Variants in DPP10 observed in about 807,000 individuals in gnomAD.
DPP10 encodes the protein inactive dipeptidyl peptidase 10.
A neutral mutation model predicts 120.9 loss-of-function variants in DPP10; 33 were observed. That is an observed-to-expected ratio of 0.27 (90% confidence interval 0.21 to 0.37). DPP10 has a LOEUF of 0.37. DPP10 is among the 10% of genes least tolerant of loss of function. The pLI, the probability that DPP10 is intolerant of heterozygous loss-of-function variation, is 1.00. For missense variants in DPP10, 816 were observed against 942.8 expected (o/e 0.87, Z 1.76); for synonymous variants, 337 against 326.1 (o/e 1.03, Z -0.36).
intron 1 of DPP10, among the ~76,000 whole-genome samples, chr2:114,996,286 C>T (rs1428218659): frequency 1.3e-5 from 2 of 152,138 alleles, no homozygotes; most frequent in African/African-American, 4.8e-5. Context: ...GATCTCTCTA[C>T]CTGTAAATCA....
In DPP10 at chr2:115,755,931, AGT is replaced by A. The variant is rs34664946; in HGVS notation, c.1074+2647_1074+2648del. ...AGTATATATGTATGCTTTTTTAAAA[AGT>A]GTGTGTGTGTGTATATATATACATA... is the stretch of plus-strand genomic sequence containing the variant. On this transcript the variant is annotated intron_variant, in intron 11 of 25. Transcript: ENST00000410059. 3.8e-3 allele frequency among the ~76,000 whole-genome samples: 454 copies of A among 118,522 alleles called. 2 individuals are homozygous for A. Among genetic ancestry groups the A allele is most frequent in the African/African-American group, 0.01 (418 of 40,006 alleles). 77.8% of individuals were successfully genotyped at this position (118,522 alleles called of 152,430 possible).
chr2:115,171,707 G>A (rs1235326312), intron 1 of DPP10, among the ~76,000 whole-genome samples: 1 of 148,044 alleles, frequency 6.8e-6, no homozygotes, highest in Non-Finnish European at 1.5e-5. Context: ...TGCCGCTTAA[G>A]TATAACCTTA....
intron 1 of DPP10, among the ~76,000 whole-genome samples, chr2:114,645,517 T>C (rs150839233): frequency 6.6e-6 from 1 of 152,292 alleles, no homozygotes; most frequent in East Asian, 1.9e-4. Context: ...TCTGGGTGAA[T>C]GTTTTCTCTC....
Position 114,549,658 on chromosome 2 carries a change from G to A in DPP10, c.60+106820G>A, listed in dbSNP as rs1484528588. Among the ~76,000 whole-genome samples the A allele has an allele frequency of 1.9e-4, 19 of 100,936 alleles. No individual in the cohort carries two copies. The Admixed American group carries it at 2.0e-3, about 11-fold the overall frequency. The allele number at this position is 100,936 out of a possible 152,430, so 66.2% of individuals were successfully genotyped here. A position where few individuals can be genotyped will look rare whatever the true frequency, so the allele number is the denominator to read the frequency against. ...CCTGGGCGACAGAGTGAGACTGTGTGTCAACAAAAAAAAAAAAAAAAAAAA... is the reference window on the plus strand; with the variant it reads ...CCTGGGCGACAGAGTGAGACTGTGTATCAACAAAAAAAAAAAAAAAAAAAA... On this transcript the variant is annotated intron_variant, in intron 1 of 25. Transcript: ENST00000410059.
intron 1 of DPP10, among the ~76,000 whole-genome samples, chr2:114,553,911 A>C (rs1210368724): frequency 6.6e-6 from 1 of 152,244 alleles, no homozygotes; most frequent in African/African-American, 2.4e-5. Flanking sequence ...GCAATAGATC[A>C]CACAAGATTC....
intron 1 of DPP10, among the ~76,000 whole-genome samples, chr2:115,069,759 C>G (rs891647805): frequency 1.3e-5 from 2 of 151,656 alleles, no homozygotes; most frequent in African/African-American, 4.8e-5. Flanking sequence ...AGGCATGTTA[C>G]TTAACCTCTC....
intron 1 of DPP10, among the ~76,000 whole-genome samples, chr2:114,694,480 G>T (rs1269611950): frequency 6.6e-6 from 1 of 151,936 alleles, no homozygotes; most frequent in Non-Finnish European, 1.5e-5. Context: ...TCTCAGTGGG[G>T]ATAGTTTGCA....
intron 1 of DPP10, among the ~76,000 whole-genome samples, chr2:115,074,702 A>T (rs1460980665): frequency 6.6e-6 from 1 of 152,190 alleles, no homozygotes; most frequent in Non-Finnish European, 1.5e-5. Flanking sequence ...GAAAGAGATG[A>T]TGACACCCTG....
intron 5 of DPP10, among the ~76,000 whole-genome samples, chr2:115,608,029 G>A (rs1558918809): frequency 6.6e-6 from 1 of 152,010 alleles, no homozygotes; most frequent in East Asian, 1.9e-4. Flanking sequence ...TCTTTCTATG[G>A]CCTAAGAGAC....
intron 1 of DPP10, among the ~76,000 whole-genome samples, chr2:115,035,585 C>T (rs1376907838): frequency 6.6e-6 from 1 of 152,176 alleles, no homozygotes; most frequent in Admixed American, 6.5e-5. Context: ...ATTTCACTTT[C>T]TCAGCCAACC....
intron 21 of DPP10, among the ~76,000 whole-genome samples, chr2:115,823,856 A>G (rs149571999): frequency 3.3e-5 from 5 of 152,298 alleles, no homozygotes; most frequent in African/African-American, 9.6e-5. Flanking sequence ...TTAAATCTCA[A>G]TGTAAAAAGC....
At chr2:115,377,185 G>T (rs36137643) in intron 3 of DPP10, among the ~76,000 whole-genome samples, 2 of 151,706 alleles carry the variant, frequency 1.3e-5, no homozygotes, top group Non-Finnish European at 2.9e-5. Context: ...AAAAGTGTTC[G>T]TATTTCTCCA....
chr2:115,495,673 A>G (rs952046296), intron 3 of DPP10, among the ~76,000 whole-genome samples: 2 of 152,158 alleles, frequency 1.3e-5, no homozygotes, highest in Admixed American at 6.6e-5. Context: ...TTATGGGAAA[A>G]AAAATTGGAT....
chr2:114,524,527 G>A (rs141264301), intron 1 of DPP10, among the ~76,000 whole-genome samples: 2 of 152,328 alleles, frequency 1.3e-5, no homozygotes, highest in African/African-American at 4.8e-5. Context: ...TGCAGAACAG[G>A]TTGCTTGTTC....
In DPP10 at chr2:115,557,438, A is replaced by T. The variant is rs533440889; in HGVS notation, c.441+31466A>T. ...ATGGCCGTAGAATTATCCATCATCG[A>T]GAGTTTCTTCATCAAGAACCCTACC... On this transcript the variant is annotated intron_variant, in intron 5 of 25. Coordinates refer to ENST00000410059, the MANE Select transcript of DPP10 (RefSeq NM_020868.6). Among the ~76,000 whole-genome samples the T allele has an allele frequency of 2.9e-4, 44 of 152,254 alleles. No individual in the cohort carries two copies. In the South Asian group the frequency reaches 3.5e-3, roughly 12 times the overall value.
At chr2:115,282,953 C>G (rs775676469) in intron 1 of DPP10, among the ~76,000 whole-genome samples, 1 of 151,934 alleles carries the variant, frequency 6.6e-6, no homozygotes, top group Non-Finnish European at 1.5e-5. Flanking sequence ...TAAAAAAAGT[C>G]CAAATTAGTT....
At chr2:114,701,741 A>G (rs1483759898) in intron 1 of DPP10, among the ~76,000 whole-genome samples, 5 of 152,124 alleles carry the variant, frequency 3.3e-5, no homozygotes, top group Non-Finnish European at 7.4e-5. Context: ...GGGGGTGGGC[A>G]GTCCAGGAAA....
At chr2:114,946,780 T>A (rs939723359) in intron 1 of DPP10, among the ~76,000 whole-genome samples, 5 of 152,140 alleles carry the variant, frequency 3.3e-5, no homozygotes. Context: ...CAAAGGTTTG[T>A]ATCAGGATTA....
chr2:115,635,276 G>C (rs1406050157), intron 5 of DPP10, among the ~76,000 whole-genome samples: 1 of 152,172 alleles, frequency 6.6e-6, no homozygotes, highest in Non-Finnish European at 1.5e-5. Flanking sequence ...CAGCCGAGTA[G>C]CCGCTGAGAA....
Sources: allele counts gnomAD v4.1 joint callset (sites outside exome capture counted in the v4.1 genomes callset), GRCh38; gene constraint gnomAD v4.1.1; transcripts MANE v1.5; gene names NCBI Gene and HGNC (gene_info 2026-07-23, HGNC 2026-07-21).